The following ANKRD52 variants were observed in gnomAD, a reference collection of about 807,000 sequenced individuals.
ANKRD52 encodes the protein ankyrin repeat domain 52.
In ANKRD52, 7 loss-of-function variants were observed where a neutral mutation model predicts 116.0. The ratio of observed to expected loss-of-function variants is 0.06; its 90% CI spans 0.03 to 0.11. The LOEUF is 0.11. Among genes scored for constraint, ANKRD52 ranks in the 10% least tolerant of loss-of-function variants. The pLI is 1.00. For synonymous variants in ANKRD52, 528 were observed against 578.1 expected, an observed-to-expected ratio of 0.91 and a Z score of 1.24; for missense variants, 839 against 1,408.6, an observed-to-expected ratio of 0.60 and a Z score of 6.47.
At chr12:56,257,741 G>T in intron 2 of ANKRD52, 87 bp downstream of exon 2, 1 of 1,322,154 alleles carries the variant, frequency 7.6e-7, no homozygotes, top group Non-Finnish European at 1.1e-6. Flanking sequence ...GAGCAGAGGA[G>T]ACACGGAGCC....
In ANKRD52 at chr12:56,243,121, G is replaced by C; in HGVS notation, c.*21C>G. 1 of 1,572,140 alleles carries C rather than the reference G, an allele frequency of 6.4e-7. No individual in the cohort carries two copies. ...AGAATTAGATATCAAGCCACCGGCG[G>C]GGGAGGGACACTGGAGGGGGCTACT... On this transcript the variant is annotated 3_prime_UTR_variant, in exon 28 of 28. Transcript: ENST00000267116. This position sits in a 1 kb window ranked among gnomAD's most constrained non-coding sequence, Gnocchi z 4.6.
chr12:56,237,918 C>T lies in ANKRD52; in HGVS notation c.*5224G>A. 1 of 694,860 alleles carries T rather than the reference C, an allele frequency of 1.4e-6. No homozygotes were observed. The allele number at this position is 694,860 out of a possible 1,614,324, so 43.0% of individuals were successfully genotyped here. On this transcript the variant is annotated 3_prime_UTR_variant, in exon 28 of 28. Transcript: ENST00000267116. Reference sequence around the variant, plus strand: ...CAGAGTGTGGTGGGAGGACCCGAAGCCGGTTGGGGGAGGATGTGAGTAGGG... The same window carrying T: ...CAGAGTGTGGTGGGAGGACCCGAAGTCGGTTGGGGGAGGATGTGAGTAGGG...
intron 2 of ANKRD52, 110 bp downstream of exon 2, chr12:56,257,718 T>A: frequency 9.5e-7 from 1 of 1,054,164 alleles, no homozygotes; most frequent in Non-Finnish European, 1.4e-6. Context: ...TGGAAAGAAC[T>A]GCGGCCTCAT....
In ANKRD52 at chr12:56,254,454, C is replaced by G; in HGVS notation, c.693+124G>C. 6.7e-7 allele frequency: 1 copy of G among 1,484,976 alleles called. No individual in the cohort carries two copies. The highest frequency in any genetic ancestry group is 2.0e-5 in the Admixed American group (1 of 49,298). The allele number at this position is 1,484,976 out of a possible 1,614,324, so 92.0% of individuals were successfully genotyped here. A position where few individuals can be genotyped will look rare whatever the true frequency, so the allele number is the denominator to read the frequency against. ...CTAAGGTAAGCATTATTCAGACCCT[C>G]TCTACCACGTCCTTCCAACTTCCCA... On this transcript the variant is annotated intron_variant, in intron 7 of 27. Coordinates refer to ENST00000267116, the MANE Select transcript of ANKRD52 (RefSeq NM_173595.4). The surrounding 1 kb of genome is among the most constrained non-coding windows in gnomAD (Gnocchi z 4.6).
At position 56,248,345 on chromosome 12, in the gene ANKRD52, G is replaced by A. The variant is rs1185477488; in HGVS notation, c.1777-121C>T. ...TCTTAGTCCTTGACAAGCTCCTTGG[G>A]CCCCTTAAGGCTTCCTACCCTGCAC... is the stretch of plus-strand genomic sequence containing the variant. On this transcript the variant is annotated intron_variant, in intron 17 of 27. Coordinates refer to ENST00000267116, the MANE Select transcript of ANKRD52 (RefSeq NM_173595.4). The surrounding 1 kb of genome is among the most constrained non-coding windows in gnomAD (Gnocchi z 5.1). 1.4e-6 allele frequency: 2 copies of A among 1,411,482 alleles called. No homozygotes were observed. Among genetic ancestry groups the A allele is most frequent in the Middle Eastern group, 1.8e-4 (1 of 5,588 alleles). 87.4% of individuals were successfully genotyped at this position (1,411,482 alleles called of 1,614,324 possible).
chr12:56,249,029 A>G (rs1046468060), intron 15 of ANKRD52, among the ~76,000 whole-genome samples, 159 bp from the exon 16 acceptor site: 17 of 152,108 alleles, frequency 1.1e-4, no homozygotes, highest in East Asian at 5.8e-4. Context: ...CCATTCTTCA[A>G]TGGCAGCTCC....
intron 20 of ANKRD52, 141 bp downstream of exon 20, chr12:56,247,346 CAAAAAA>C (rs1007977970): frequency 1.4e-4 from 71 of 490,004 alleles, no homozygotes; most frequent in Admixed American, 2.0e-4. Flanking sequence ...GACCCTGTCT[CAAAAAA>C]AAAAAAAAAA....
chr12:56,244,974 G>A lies in ANKRD52; in HGVS notation c.2508C>T (p.Asp836=), dbSNP rs1871329128. 2.5e-6 allele frequency: 4 copies of A among 1,613,912 alleles called. No individual in the cohort carries two copies. The highest frequency in any genetic ancestry group is 2.7e-5 in the African/African-American group (2 of 75,018). Residue 836 remains aspartate (D), a synonymous_variant, in exon 23 of 28, where the codon GAC becomes GAT. Transcript: ENST00000267116. This position sits in a 1 kb window ranked among gnomAD's most constrained non-coding sequence, Gnocchi z 4.9. ...CTCCCAGTAGCATCTCTGTGGTGCT[G>A]TCTTGGTTATTAATCCTAGAGGAAG... ...PLHCAVINNQ[D]STTEMLLGAL...
At position 56,240,229 on chromosome 12, in the gene ANKRD52, G is replaced by C. The variant is rs1212640264; in HGVS notation, c.*2913C>G. On this transcript the variant is annotated 3_prime_UTR_variant, in exon 28 of 28. Coordinates refer to ENST00000267116, the MANE Select transcript of ANKRD52 (RefSeq NM_173595.4). This position sits in a 1 kb window ranked among gnomAD's most constrained non-coding sequence, Gnocchi z 4.2. The stretch of plus-strand genomic sequence containing the variant: ...GGTTTGTGCCATTCGTTTTTCTGAA[G>C]GATAGTATATGACCCTACCAGAGCC... 6.6e-6 allele frequency: 1 copy of C among 152,186 alleles called. No homozygotes were observed. The highest frequency in any genetic ancestry group is 2.4e-5 in the African/African-American group (1 of 41,432). 9.4% of individuals were successfully genotyped at this position (152,186 alleles called of 1,614,324 possible).
rs1293685074 is a variant in ANKRD52, at chr12:56,252,143, G to A, written c.1511+32C>T. 1.2e-6 allele frequency: 2 copies of A among 1,613,932 alleles called. No homozygotes were observed. The highest frequency in any genetic ancestry group is 2.2e-5 in the East Asian group (1 of 44,886). On this transcript the variant is annotated intron_variant, in intron 14 of 27. Transcript: ENST00000267116. This position sits in a 1 kb window ranked among gnomAD's most constrained non-coding sequence, Gnocchi z 4.7. ...TAGGGCCAGGCTCAGGGAGGTGAAT[G>A]GGGCTGAGAAGGACCAGACTGGTAG...
chr12:56,252,026 C>G lies in ANKRD52; in HGVS notation c.1581G>C (p.Lys527Asn), dbSNP rs533645576. The G allele has an allele frequency of 1.2e-6, 2 of 1,613,734 alleles. No homozygotes were observed. The highest frequency in any genetic ancestry group is 2.2e-5 in the South Asian group (2 of 91,062). The change falls in exon 15 of 28, where the codon AAG becomes AAC. Residue 527 changes from lysine (K) to asparagine (N), a missense_variant. This residue lies in a region of ANKRD52 where 552 missense variants were observed against 810.6 expected (regional missense o/e 0.68). Coordinates refer to ENST00000267116, the MANE Select transcript of ANKRD52 (RefSeq NM_173595.4). This position sits in a 1 kb window ranked among gnomAD's most constrained non-coding sequence, Gnocchi z 4.7. ...TCTCTGCTACTCACAAGAAGGCCTC[C>G]TTCCTGCGGGACTCCTTCAGTGGCT... ...EDEPLKESRRKEAFFCLEFLL... is the reference protein window; with the variant it reads ...EDEPLKESRRNEAFFCLEFLL...
chr12:56,244,574 A>C lies in ANKRD52; in HGVS notation c.2722+78T>G. On this transcript the variant is annotated intron_variant, in intron 24 of 27. Transcript: ENST00000267116. This position sits in a 1 kb window ranked among gnomAD's most constrained non-coding sequence, Gnocchi z 4.9. The stretch of plus-strand genomic sequence containing the variant: ...TGCTTTCTGAACCCCAGCCCCAGCC[A>C]GCCTCCACAGGCAGGGCTGACCCAT... The C allele has an allele frequency of 1.2e-6, 2 of 1,603,980 alleles. No homozygotes were observed. Among genetic ancestry groups the C allele is most frequent in the Non-Finnish European group, 8.5e-7 (1 of 1,174,282 alleles).
At position 56,254,848 on chromosome 12, in the gene ANKRD52, C is replaced by T. The variant is rs377669598; in HGVS notation, c.550+17G>A. The T allele has an allele frequency of 4.7e-5, 76 of 1,609,590 alleles. No homozygotes were observed. Among genetic ancestry groups the T allele is most frequent in the Admixed American group, 3.5e-4 (21 of 59,932 alleles). On this transcript the variant is annotated intron_variant, in intron 6 of 27. Coordinates refer to ENST00000267116, the MANE Select transcript of ANKRD52 (RefSeq NM_173595.4). The surrounding 1 kb of genome is among the most constrained non-coding windows in gnomAD (Gnocchi z 4.6). ...CTAAATGTCAAATTTCTGATTTTCC[C>T]GTGTATTCTCTCTCACCTAGAAAAG... is the stretch of plus-strand genomic sequence containing the variant.
chr12:56,249,006 C>A, intron 15 of ANKRD52, 136 bp from the exon 16 acceptor site: 2 of 586,312 alleles, frequency 3.4e-6, no homozygotes, highest in Non-Finnish European at 6.0e-6. Flanking sequence ...TAGGTAGGTT[C>A]TCTAAATCCT....
intron 20 of ANKRD52, 54 bp from the exon 21 acceptor site, chr12:56,245,650 G>C: frequency 6.5e-7 from 1 of 1,542,182 alleles, no homozygotes; most frequent in South Asian, 1.1e-5. Context: ...TTTTCCACTG[G>C]CCTGTTGCTG....
rs1284551122 is a variant in ANKRD52 at position 56,240,752 on chromosome 12, T to C, written c.*2390A>G. On this transcript the variant is annotated 3_prime_UTR_variant, in exon 28 of 28. Coordinates refer to ENST00000267116, the MANE Select transcript of ANKRD52 (RefSeq NM_173595.4). This position sits in a 1 kb window ranked among gnomAD's most constrained non-coding sequence, Gnocchi z 4.2. ...CCCCAGGCTTCCTCACAGCCACATATGGAGGGACAGAGGACTCCCCACCAC... is the reference window on the plus strand; with the variant it reads ...CCCCAGGCTTCCTCACAGCCACATACGGAGGGACAGAGGACTCCCCACCAC... 6.6e-6 allele frequency: 1 copy of C among 152,114 alleles called. No individual in the cohort carries two copies. Among genetic ancestry groups the C allele is most frequent in the African/African-American group, 2.4e-5 (1 of 41,404 alleles). The allele number at this position is 152,114 out of a possible 1,614,324, so 9.4% of individuals were successfully genotyped here. A position where few individuals can be genotyped will look rare whatever the true frequency, so the allele number is the denominator to read the frequency against.
rs1871525465 is a variant in ANKRD52 at position 56,248,457 on chromosome 12, G to C, written c.1776+38C>G. On this transcript the variant is annotated intron_variant, in intron 17 of 27. Transcript: ENST00000267116. The surrounding 1 kb of genome is among the most constrained non-coding windows in gnomAD (Gnocchi z 5.1). ...CTTTGTTAGGGCCTGGGAACAGGTA[G>C]GACAAGGAAGGCAACAGAAAAAAGA... 1 of 1,562,120 alleles carries C rather than the reference G, an allele frequency of 6.4e-7. No individual in the cohort carries two copies. The highest frequency in any genetic ancestry group is 8.7e-7 in the Non-Finnish European group (1 of 1,149,892).
At chr12:56,258,014 G>A in intron 1 of ANKRD52, 103 bp from the exon 2 acceptor site, 2 of 1,322,734 alleles carry the variant, frequency 1.5e-6, no homozygotes, top group Non-Finnish European at 1.1e-6. Context: ...GGGCGTCCGT[G>A]GAGGGGCTCC....
At position 56,243,148 on chromosome 12, in the gene ANKRD52, A is replaced by G; in HGVS notation, c.3225T>C (p.Ser1075=). ...PGAIGLDGCY[S]E is the part of the protein sequence containing the mutation. ...GGAGGGACACTGGAGGGGGCTACTC[A>G]GAGTAGCAGCCATCTAACCCAATGG... The change falls in exon 28 of 28, where the codon TCT becomes TCC. Residue 1075 remains serine, a synonymous_variant. Transcript: ENST00000267116. This position sits in a 1 kb window ranked among gnomAD's most constrained non-coding sequence, Gnocchi z 4.6. 6.3e-7 allele frequency: 1 copy of G among 1,595,948 alleles called. No individual in the cohort carries two copies. The highest frequency in any genetic ancestry group is 8.5e-7 in the Non-Finnish European group (1 of 1,170,236).
Sources: allele counts gnomAD v4.1 joint callset (sites outside exome capture counted in the v4.1 genomes callset), GRCh38; gene constraint gnomAD v4.1.1; regional missense constraint gnomAD v4.1.1; non-coding constraint Gnocchi (gnomAD v3.1); transcripts MANE v1.5; gene names NCBI Gene and HGNC (gene_info 2026-07-23, HGNC 2026-07-21).